Variants in RBFOX1 observed in about 807,000 individuals in gnomAD.
RBFOX1 encodes the protein RNA binding protein fox-1 homolog 1.
RBFOX1 carries 8 observed loss-of-function variants against 57.7 expected under a neutral mutation model. The ratio of observed to expected loss-of-function variants is 0.14; its 90% CI spans 0.08 to 0.25. The LOEUF (loss-of-function observed/expected upper bound fraction) is 0.25, where lower values mean the gene tolerates loss of function less well. Ranked by LOEUF, RBFOX1 falls within the 10% of genes least tolerant of loss-of-function variation. RBFOX1 has a pLI of 1.00. For missense variants in RBFOX1, 611 were observed against 548.5 expected (o/e 1.11, Z -1.14); for synonymous variants, 326 against 222.4 (o/e 1.47, Z -4.15).
At chr16:7,094,498 A>G (rs1251248216) in intron 4 of RBFOX1, among the ~76,000 whole-genome samples, 2 of 152,122 alleles carry the variant, frequency 1.3e-5, no homozygotes, top group Admixed American at 1.3e-4. Flanking sequence ...GATAGAATAC[A>G]TCATTGCTTT....
chr16:7,474,332 C>G (rs1014121661), intron 4 of RBFOX1, among the ~76,000 whole-genome samples: 1 of 152,128 alleles, frequency 6.6e-6, no homozygotes, highest in Admixed American at 6.5e-5. Flanking sequence ...CCCCATCTCT[C>G]TCAGCTGTTA....
intron 4 of RBFOX1, among the ~76,000 whole-genome samples, chr16:5,879,776 C>G (rs1430197028): frequency 2.0e-5 from 3 of 152,218 alleles, no homozygotes; most frequent in Admixed American, 6.5e-5. Flanking sequence ...CTCTATCCAT[C>G]TGTTGACCTC....
chr16:5,341,016 C>T (rs1385672907), intron 1 of RBFOX1, among the ~76,000 whole-genome samples: 3 of 152,082 alleles, frequency 2.0e-5, no homozygotes, highest in African/African-American at 7.2e-5. Context: ...CTGAATAACC[C>T]AGATACCTGT....
chr16:5,715,872 T>C (rs1023179876), intron 3 of RBFOX1, among the ~76,000 whole-genome samples: 6 of 152,202 alleles, frequency 3.9e-5, no homozygotes, highest in African/African-American at 1.4e-4. Context: ...CCCTGCTCCC[T>C]TAACAAATAT....
intron 5 of RBFOX1, among the ~76,000 whole-genome samples, chr16:7,530,698 CA>C (rs749841984): frequency 1.3e-5 from 2 of 152,068 alleles, no homozygotes; most frequent in Non-Finnish European, 2.9e-5. Flanking sequence ...TGGAGCCTGC[CA>C]AATTGTCAAA....
intron 1 of RBFOX1, among the ~76,000 whole-genome samples, chr16:5,339,707 G>A (rs2064992492): frequency 6.6e-6 from 1 of 151,918 alleles, no homozygotes; most frequent in Non-Finnish European, 1.5e-5. Context: ...TCGAACTCCT[G>A]AACTCAGGTG....
chr16:6,985,013 G>A (rs1376466775), intron 3 of RBFOX1, among the ~76,000 whole-genome samples: 2 of 151,970 alleles, frequency 1.3e-5, no homozygotes, highest in African/African-American at 4.8e-5. Context: ...AAACCCAGGG[G>A]GAAATATCCT....
intron 1 of RBFOX1, among the ~76,000 whole-genome samples, chr16:6,301,880 C>A (rs967688639): frequency 2.0e-5 from 3 of 152,128 alleles, no homozygotes; most frequent in African/African-American, 7.2e-5. Flanking sequence ...TCATTTAATC[C>A]TTACGGGGAT....
At chr16:6,146,138 G>T (rs116034293) in intron 1 of RBFOX1, among the ~76,000 whole-genome samples, 1,732 of 152,148 alleles carry the variant, frequency 0.011, 28 homozygotes, top group African/African-American at 0.035. Context: ...ATATCACCCC[G>T]AAAACAGCAA....
rs1248375528 is a variant in RBFOX1 at position 5,762,597 on chromosome 16, T to G, written c.319-104706T>G. Among the ~76,000 whole-genome samples, 3 of 152,324 alleles carry G rather than the reference T, an allele frequency of 2.0e-5. No individual in the cohort carries two copies. In the South Asian group the frequency reaches 6.2e-4, roughly 32 times the overall value. On this transcript the variant is annotated intron_variant, in intron 3 of 19. Coordinates refer to the RBFOX1 transcript ENST00000641259. ...ATAATTAAGGATGTGTTCGCAAACT[T>G]AGCCGCAGAAGGCACTCTATAAATA... is the stretch of plus-strand genomic sequence containing the variant.
At chr16:5,274,671 G>T (rs1315102172) in intron 1 of RBFOX1, among the ~76,000 whole-genome samples, 3 of 152,222 alleles carry the variant, frequency 2.0e-5, no homozygotes, top group African/African-American at 7.2e-5. Flanking sequence ...CTGTATTTCT[G>T]CCATGTTCAC....
At chr16:6,479,832 T>G (rs1222616883) in intron 2 of RBFOX1, among the ~76,000 whole-genome samples, 1 of 151,888 alleles carries the variant, frequency 6.6e-6, no homozygotes, top group East Asian at 1.9e-4. Context: ...GGCAGATCAT[T>G]TGAGGTCAGG....
intron 4 of RBFOX1, among the ~76,000 whole-genome samples, chr16:7,063,524 C>G (rs1049155772): frequency 3.3e-5 from 5 of 152,092 alleles, no homozygotes; most frequent in Non-Finnish European, 5.9e-5. Context: ...GAGATGGACC[C>G]AAGGGACTAT....
At chr16:6,805,864 G>A (rs1199684963) in intron 3 of RBFOX1, among the ~76,000 whole-genome samples, 1 of 152,086 alleles carries the variant, frequency 6.6e-6, no homozygotes, top group Non-Finnish European at 1.5e-5. Flanking sequence ...GTCACACTTG[G>A]CTCTTTCCAA....
intron 4 of RBFOX1, among the ~76,000 whole-genome samples, chr16:7,230,224 C>T (rs73543054): frequency 1.3e-5 from 2 of 151,788 alleles, no homozygotes; most frequent in African/African-American, 4.9e-5. Context: ...CTGTGGAAGA[C>T]ATTTGGGAAA....
intron 3 of RBFOX1, among the ~76,000 whole-genome samples, chr16:6,768,691 G>T (rs1168409170): frequency 3.5e-5 from 5 of 144,734 alleles, no homozygotes; most frequent in Admixed American, 1.4e-4. Flanking sequence ...AAATATATAT[G>T]TACCTATATA....
At chr16:5,785,094 A>G (rs1217988094) in intron 3 of RBFOX1, among the ~76,000 whole-genome samples, 2 of 152,066 alleles carry the variant, frequency 1.3e-5, no homozygotes, top group Non-Finnish European at 2.9e-5. Context: ...ACATAAAGGC[A>G]TGCAACTTTT....
At chr16:5,536,610 T>A (rs971404111) in intron 2 of RBFOX1, among the ~76,000 whole-genome samples, 3 of 152,120 alleles carry the variant, frequency 2.0e-5, no homozygotes, top group African/African-American at 7.2e-5. Flanking sequence ...ACGAAGGGTT[T>A]GTTATGGGTG....
intron 4 of RBFOX1, among the ~76,000 whole-genome samples, chr16:7,181,100 G>A (rs2082606605): frequency 1.3e-5 from 2 of 152,210 alleles, no homozygotes; most frequent in Non-Finnish European, 1.5e-5. Context: ...CTGCTATCAA[G>A]GAATGACCAG....
Sources: gnomAD v4.1 joint callset for allele counts (sites outside exome capture counted in the v4.1 genomes callset) on GRCh38, gnomAD v4.1.1 for gene constraint, MANE v1.5 for transcripts, NCBI Gene and HGNC (gene_info 2026-07-23, HGNC 2026-07-21) for gene names.